Variants in GABRR1 observed in about 807,000 individuals in gnomAD.
The protein encoded by GABRR1 is gamma-aminobutyric acid type A receptor subunit rho1, also known as gamma-aminobutyric acid receptor subunit rho-1.
GABRR1 carries 59 observed loss-of-function variants against 55.5 expected under a neutral mutation model. The observed-to-expected ratio is 1.06, with a 90% CI of 0.86 to 1.32. GABRR1 has a LOEUF of 1.32. Ranked by LOEUF, GABRR1 falls within the 40% of genes most tolerant of loss-of-function variation. GABRR1 has a pLI of 0.00. For missense variants in GABRR1, 602 were observed against 619.1 expected (o/e 0.97, Z 0.29); for synonymous variants, 213 against 226.0 (o/e 0.94, Z 0.51).
intron 1 of GABRR1, among the ~76,000 whole-genome samples, chr6:89,229,337 G>T (rs982110676): frequency 2.6e-5 from 4 of 151,914 alleles, no homozygotes; most frequent in Non-Finnish European, 5.9e-5. Context: ...CTCGTTAGTT[G>T]ACACAGTTTC....
At chr6:89,224,619 G>A (rs909724282) in intron 1 of GABRR1, among the ~76,000 whole-genome samples, 2 of 152,168 alleles carry the variant, frequency 1.3e-5, no homozygotes, top group African/African-American at 2.4e-5. Context: ...CACTCTGTGG[G>A]TTGTCTGTTT....
At chr6:89,191,052 GTGGAAATTATA>G (rs1554190323) in intron 5 of GABRR1, among the ~76,000 whole-genome samples, 1 of 152,222 alleles carries the variant, frequency 6.6e-6, no homozygotes, top group Non-Finnish European at 1.5e-5. Flanking sequence ...CGCAAAAGTT[GTGGAAATTATA>G]TGAATAATTC....
intron 4 of GABRR1, 92 bp from the exon 5 acceptor site, chr6:89,198,335 G>A: frequency 4.1e-6 from 4 of 982,912 alleles, no homozygotes; most frequent in Non-Finnish European, 4.9e-6. Context: ...TCACTTGGCT[G>A]GGGAATGAAA....
chr6:89,224,718 G>A (rs188742095), intron 1 of GABRR1, among the ~76,000 whole-genome samples: 3 of 152,156 alleles, frequency 2.0e-5, no homozygotes, highest in Admixed American at 2.0e-4. Context: ...TTGCATTTGG[G>A]TTCTTGGTCA....
intron 5 of GABRR1, among the ~76,000 whole-genome samples, chr6:89,192,561 CTTCTT>C (rs1772135491): frequency 6.8e-6 from 1 of 147,796 alleles, no homozygotes; most frequent in Admixed American, 6.9e-5. Flanking sequence ...TCTTCTTCTT[CTTCTT>C]TTTTTTTTTT....
At chr6:89,191,037 T>C (rs1402548295) in intron 5 of GABRR1, among the ~76,000 whole-genome samples, 2 of 152,246 alleles carry the variant, frequency 1.3e-5, no homozygotes, top group Admixed American at 6.5e-5. Context: ...ATGCAATATT[T>C]GCTACGCAAA....
At chr6:89,212,106 AC>A (rs1293036482) in intron 1 of GABRR1, 1 of 586,794 alleles carries the variant, frequency 1.7e-6, no homozygotes, top group East Asian at 1.7e-4. Flanking sequence ...CATCACCTTC[AC>A]CCCCAAACCT....
intron 1 of GABRR1, among the ~76,000 whole-genome samples, chr6:89,230,804 C>T (rs1003657556): frequency 1.3e-4 from 20 of 151,828 alleles, no homozygotes; most frequent in African/African-American, 4.8e-4. Context: ...GTTCGAGCTT[C>T]CCAGCTGCTT....
chr6:89,199,351 G>C lies in GABRR1; in HGVS notation c.348+11C>G. The stretch of plus-strand genomic sequence containing the variant: ...TCCCCCTGCCACGGCCCTGGTCAGA[G>C]AAGCACTTACCATGTCAACCTCTGA... On this transcript the variant is annotated intron_variant, in intron 4 of 9. Coordinates refer to ENST00000454853, the MANE Select transcript of GABRR1 (RefSeq NM_002042.5). The C allele has an allele frequency of 6.2e-7, 1 of 1,613,328 alleles. No homozygotes were observed. Among genetic ancestry groups the C allele is most frequent in the Non-Finnish European group, 8.5e-7 (1 of 1,179,454 alleles).
intron 5 of GABRR1, among the ~76,000 whole-genome samples, chr6:89,194,863 G>T (rs576418085): frequency 1.3e-5 from 2 of 152,118 alleles, no homozygotes; most frequent in Non-Finnish European, 1.5e-5. Context: ...GAATAAAAGG[G>T]AACAAAGGCT....
intron 8 of GABRR1, among the ~76,000 whole-genome samples, chr6:89,181,667 T>C (rs1204932580): frequency 6.6e-6 from 1 of 152,150 alleles, no homozygotes; most frequent in Non-Finnish European, 1.5e-5. Flanking sequence ...GGAACACGGC[T>C]TCGACAAGAC....
chr6:89,182,896 T>TTA lies in GABRR1; in HGVS notation c.797-841_797-840dup, dbSNP rs1030027670. Among the ~76,000 whole-genome samples the TTA allele has an allele frequency of 1.9e-3, 282 of 151,572 alleles. 1 individual carries two copies. Among genetic ancestry groups the TTA allele is most frequent in the African/African-American group, 3.6e-3 (148 of 41,372 alleles). ...GTCTCTATTAGGAAAAAAAATAATT[T>TTA]TATATATATATATGTAATTTGTTCA... On this transcript the variant is annotated intron_variant, in intron 7 of 9. Transcript: ENST00000454853.
At chr6:89,202,943 G>A (rs922221723) in intron 2 of GABRR1, among the ~76,000 whole-genome samples, 1 of 151,932 alleles carries the variant, frequency 6.6e-6, no homozygotes, top group Non-Finnish European at 1.5e-5. Flanking sequence ...TCAAACCCCT[G>A]GCCTGCAAGC....
At position 89,203,470 on chromosome 6, in the gene GABRR1, T is replaced by C. The variant is rs1387830589; in HGVS notation, c.138A>G (p.Arg46=). 1.9e-6 allele frequency: 3 copies of C among 1,613,170 alleles called. No individual in the cohort carries two copies. In the South Asian group the frequency reaches 3.3e-5, roughly 18 times the overall value. The part of the protein sequence containing the change: ...MSKKGRPQRQ[R]REVHEDAHKQ... ...TGTGGGCATCTTCATGTACTTCTCGTCTTTGTCTTTGGGGCCTACCATGAA... is the reference window on the plus strand; with the variant it reads ...TGTGGGCATCTTCATGTACTTCTCGCCTTTGTCTTTGGGGCCTACCATGAA... The change falls in exon 2 of 10, where the codon AGA becomes AGG. Residue 46 remains arginine (R), a synonymous_variant. Transcript: ENST00000454853.
At position 89,185,422 on chromosome 6, in the gene GABRR1, C is replaced by T. The variant is rs1771873159; in HGVS notation, c.684G>A (p.Leu228=). 3.1e-6 allele frequency: 5 copies of T among 1,613,426 alleles called. No individual in the cohort carries two copies. The highest frequency in any genetic ancestry group is 4.2e-6 in the Non-Finnish European group (5 of 1,179,598). The stretch of plus-strand genomic sequence containing the variant: ...AGGAGTCATTGCCCTTTTTCCAGTA[C>T]AGCATGAGGTCATCTTCTGTATAGG... ...SYAYTEDDLM[L]YWKKGNDSLK... Residue 228 remains leucine (L), a synonymous_variant, in exon 7 of 10, where the codon CTG becomes CTA. Transcript: ENST00000454853.
At chr6:89,207,918 A>G (rs1772702754) in intron 1 of GABRR1, among the ~76,000 whole-genome samples, 1 of 152,012 alleles carries the variant, frequency 6.6e-6, no homozygotes, top group African/African-American at 2.4e-5. Context: ...ACTGCCTTGA[A>G]CCCGTTTTGC....
chr6:89,185,500 T>A, intron 6 of GABRR1, 50 bp from the exon 7 acceptor site: 1 of 1,542,338 alleles, frequency 6.5e-7, no homozygotes, highest in South Asian at 1.1e-5. Context: ...CAAGACAGGA[T>A]GGTCTGTGGG....
At chr6:89,195,177 T>A (rs1360951540) in intron 5 of GABRR1, among the ~76,000 whole-genome samples, 1 of 152,054 alleles carries the variant, frequency 6.6e-6, no homozygotes, top group East Asian at 1.9e-4. Flanking sequence ...AGCTCCAATT[T>A]GGGCCGGGCA....
At chr6:89,214,895 A>G (rs1772939883) in intron 1 of GABRR1, among the ~76,000 whole-genome samples, 4 of 152,112 alleles carry the variant, frequency 2.6e-5, no homozygotes, top group Admixed American at 2.6e-4. Context: ...CAGGCATGGT[A>G]GTGCACCTGT....
Sources: allele counts gnomAD v4.1 joint callset (sites outside exome capture counted in the v4.1 genomes callset), GRCh38; gene constraint gnomAD v4.1.1; transcripts MANE v1.5; gene names NCBI Gene and HGNC (gene_info 2026-07-23, HGNC 2026-07-21).